Variants in CFAP210 observed in about 807,000 individuals in gnomAD.
CFAP210 encodes the protein cilia and flagella associated protein 210.
At chr2:169,683,223 T>C in the CFAP210 span, among the ~76,000 whole-genome samples, 2 of 152,174 alleles carry the variant, frequency 1.3e-5, no homozygotes, top group African/African-American at 4.8e-5. Flanking sequence ...ACAAAGCTGA[T>C]TTTATCATGA....
chr2:169,679,444 C>T, the CFAP210 span, among the ~76,000 whole-genome samples: 5 of 151,988 alleles, frequency 3.3e-5, no homozygotes, highest in East Asian at 3.9e-4. Flanking sequence ...CTTTGGAAGC[C>T]GAGGCAGGTG....
the CFAP210 span, among the ~76,000 whole-genome samples, chr2:169,686,786 A>T: frequency 1.3e-5 from 2 of 152,258 alleles, no homozygotes; most frequent in Non-Finnish European, 1.5e-5. Context: ...ATTAATTTTC[A>T]ACATGAGTTT....
At chr2:169,690,307 T>A in the CFAP210 span, among the ~76,000 whole-genome samples, 23 of 152,382 alleles carry the variant, frequency 1.5e-4, no homozygotes, top group African/African-American at 5.5e-4. Context: ...TGCTCCTTCC[T>A]CTTATTTTTT....
chr2:169,686,040 C>T, the CFAP210 span, among the ~76,000 whole-genome samples: 1 of 152,138 alleles, frequency 6.6e-6, no homozygotes, highest in Non-Finnish European at 1.5e-5. Flanking sequence ...CAGGGTCTCT[C>T]TATGTAGCCC....
At chr2:169,683,922 T>C in the CFAP210 span, among the ~76,000 whole-genome samples, 1 of 152,192 alleles carries the variant, frequency 6.6e-6, no homozygotes, top group African/African-American at 2.4e-5. Context: ...CTCAGGCCAC[T>C]GAAGTTGGGG....
the CFAP210 span, among the ~76,000 whole-genome samples, chr2:169,690,663 C>CA: frequency 0.32 from 34,132 of 105,840 alleles, 4,312 homozygotes; most frequent in South Asian, 0.43. Context: ...GACTCTGTCT[C>CA]AAAAAAAAAA....
chr2:169,691,222 T>C, the CFAP210 span, among the ~76,000 whole-genome samples: 1 of 152,216 alleles, frequency 6.6e-6, no homozygotes, highest in Non-Finnish European at 1.5e-5. Flanking sequence ...TTTAATTCAG[T>C]TATTGTGCTT....
At chr2:169,691,832 G>T in the CFAP210 span, among the ~76,000 whole-genome samples, 7 of 152,272 alleles carry the variant, frequency 4.6e-5, no homozygotes, top group South Asian at 1.4e-3. Flanking sequence ...TCTGTAGTCT[G>T]TATTCTTTGT....
the CFAP210 span, chr2:169,658,664 C>G: frequency 5.2e-6 from 1 of 191,478 alleles, no homozygotes; most frequent in South Asian, 1.0e-4. Context: ...ACTGTATTCT[C>G]AGTCAGTGCA....
chr2:169,647,014 T>C, the CFAP210 span, among the ~76,000 whole-genome samples: 25 of 152,160 alleles, frequency 1.6e-4, no homozygotes, highest in African/African-American at 5.8e-4. Context: ...CCAAACCTGA[T>C]ATCTATCATA....
At chr2:169,666,705 G>C in the CFAP210 span, among the ~76,000 whole-genome samples, 5 of 152,046 alleles carry the variant, frequency 3.3e-5, no homozygotes, top group Non-Finnish European at 5.9e-5. Flanking sequence ...TTTCTCTGTA[G>C]TACGTAATGC....
At chr2:169,664,083 C>T in the CFAP210 span, among the ~76,000 whole-genome samples, 1 of 151,302 alleles carries the variant, frequency 6.6e-6, no homozygotes, top group African/African-American at 2.4e-5. Flanking sequence ...CCTGTAGACC[C>T]AGCTACTTGG....
chr2:169,659,363 G>A, the CFAP210 span: 1,428 of 154,456 alleles, frequency 9.2e-3, 28 homozygotes, highest in African/African-American at 0.032. Context: ...TAGGCTCAAA[G>A]TTCCACAGGT....
the CFAP210 span, among the ~76,000 whole-genome samples, chr2:169,680,568 T>C: frequency 2.0e-5 from 3 of 152,196 alleles, no homozygotes; most frequent in African/African-American, 7.2e-5. Context: ...GGTATATCCA[T>C]ACAATGGAAT....
At chr2:169,667,047 C>CAAAGT in the CFAP210 span, among the ~76,000 whole-genome samples, 1 of 152,092 alleles carries the variant, frequency 6.6e-6, no homozygotes. Flanking sequence ...TTGAACCCCT[C>CAAAGT]AAAGTCATCC....
At chr2:169,649,222 T>G in the CFAP210 span, 158 of 1,612,358 alleles carry the variant, frequency 9.8e-5, no homozygotes, top group Non-Finnish European at 1.5e-5. Context: ...TTGATGTTCT[T>G]TATCAGCTTT....
chr2:169,694,264 T>C, the CFAP210 span: 10 of 1,613,910 alleles, frequency 6.2e-6, no homozygotes, highest in Non-Finnish European at 7.6e-6. Flanking sequence ...AGCTCACCTG[T>C]ACTTTCCTTC....
At chr2:169,649,475 C>CA in the CFAP210 span, 1 of 769,870 alleles carries the variant, frequency 1.3e-6, no homozygotes, top group Non-Finnish European at 2.1e-6. Context: ...CAGAAAAGTG[C>CA]ATGCACCTGG....
chr2:169,683,108 C>G, the CFAP210 span, among the ~76,000 whole-genome samples: 1 of 152,066 alleles, frequency 6.6e-6, no homozygotes, highest in Admixed American at 6.6e-5. Context: ...TAAATTAAGG[C>G]AGGTAGAGGT....
Sources: gnomAD v4.1 joint callset for allele counts (sites outside exome capture counted in the v4.1 genomes callset) on GRCh38, gnomAD v4.1.1 for gene constraint, MANE v1.5 for transcripts, NCBI Gene and HGNC (gene_info 2026-07-23, HGNC 2026-07-21) for gene names.